Variants in SLC4A5 observed in about 807,000 individuals in gnomAD.
SLC4A5 encodes solute carrier family 4 member 5, also known as electrogenic sodium bicarbonate cotransporter 4.
SLC4A5 carries 96 observed loss-of-function variants against 120.4 expected under a neutral mutation model. That is an observed-to-expected ratio of 0.80 (90% CI 0.68 to 0.94). The LOEUF (loss-of-function observed/expected upper bound fraction) is 0.94. Among genes scored for constraint, SLC4A5 ranks in the 40% least tolerant of loss-of-function variants. SLC4A5 has a pLI of 0.00. For synonymous variants in SLC4A5, 550 were observed against 571.1 expected, an observed-to-expected ratio of 0.96 and a Z score of 0.53; for missense variants, 1,259 against 1,459.5, an observed-to-expected ratio of 0.86 and a Z score of 2.24.
intron 9 of SLC4A5, among the ~76,000 whole-genome samples, 199 bp downstream of exon 9, chr2:74,264,905 C>CTACATGG (rs1431788212): frequency 5.9e-5 from 9 of 152,348 alleles, no homozygotes; most frequent in Middle Eastern, 6.8e-3. Flanking sequence ...CTTTTCCTCT[C>CTACATGG]TACTGGAGGT....
At chr2:74,336,593 T>C (rs1402367561) in intron 3 of SLC4A5, among the ~76,000 whole-genome samples, 1 of 152,172 alleles carries the variant, frequency 6.6e-6, no homozygotes. Flanking sequence ...GAACTACTAT[T>C]ATCCTCATTT....
intron 6 of SLC4A5, among the ~76,000 whole-genome samples, chr2:74,309,449 G>C (rs375333874): frequency 2.2e-4 from 33 of 152,084 alleles, no homozygotes; most frequent in East Asian, 7.7e-4. Context: ...TCTTGAAGTT[G>C]AGTAGTGTCA....
At chr2:74,307,487 C>G (rs1672680814) in intron 6 of SLC4A5, 3 of 623,200 alleles carry the variant, frequency 4.8e-6, no homozygotes, top group Non-Finnish European at 9.1e-6. Flanking sequence ...TCTCTACAGA[C>G]TAGCGCATGG....
chr2:74,223,280 C>T (rs1694721463), intron 28 of SLC4A5, among the ~76,000 whole-genome samples: 1 of 152,172 alleles, frequency 6.6e-6, no homozygotes, highest in South Asian at 2.1e-4. Flanking sequence ...GCTGGGATTA[C>T]AGATGTGAGC....
At chr2:74,226,007 G>A (rs1158680773) in intron 27 of SLC4A5, among the ~76,000 whole-genome samples, 3 of 152,124 alleles carry the variant, frequency 2.0e-5, no homozygotes, top group East Asian at 1.9e-4. Context: ...CTTTCCCTTC[G>A]CCAGCTCTGA....
At chr2:74,329,576 G>A (rs1341863963) in intron 4 of SLC4A5, among the ~76,000 whole-genome samples, 10 of 151,296 alleles carry the variant, frequency 6.6e-5, no homozygotes, top group East Asian at 6.0e-4. Context: ...GCAACACGGC[G>A]AGGCTCCATC....
At chr2:74,257,975 G>C (rs1180446307) in intron 12 of SLC4A5, among the ~76,000 whole-genome samples, 1 of 152,234 alleles carries the variant, frequency 6.6e-6, no homozygotes, top group Non-Finnish European at 1.5e-5. Flanking sequence ...GGCCAGGGTT[G>C]TGGCATCCCA....
chr2:74,246,945 C>A, intron 19 of SLC4A5, 91 bp downstream of exon 19: 1 of 1,518,392 alleles, frequency 6.6e-7, no homozygotes, highest in South Asian at 1.2e-5. Flanking sequence ...AATGGCCCCT[C>A]CCCAGCAGTA....
At position 74,227,132 on chromosome 2, in the gene SLC4A5, T is replaced by C. The variant is rs752909144; in HGVS notation, c.2917-2A>G. ...GAAGAGCTTGCAGCGTTCCCAGAACTAGGGGGACAGCGGGGGCTCAGCCAG... is the reference window on the plus strand; with the variant it reads ...GAAGAGCTTGCAGCGTTCCCAGAACCAGGGGGACAGCGGGGGCTCAGCCAG... On this transcript the variant is annotated splice_acceptor_variant, in intron 26 of 30. Coordinates refer to ENST00000394019, the Ensembl canonical transcript of SLC4A5. LOFTEE classifies it high-confidence loss of function. 160 of 1,607,582 alleles carry C rather than the reference T, an allele frequency of 1.0e-4. No individual in the cohort carries two copies. The highest frequency in any genetic ancestry group is 1.2e-4 in the Non-Finnish European group (144 of 1,177,016).
intron 16 of SLC4A5, among the ~76,000 whole-genome samples, chr2:74,251,125 T>C (rs1670777242): frequency 6.6e-6 from 1 of 152,158 alleles, no homozygotes; most frequent in South Asian, 2.1e-4. Flanking sequence ...TTGGACTGGA[T>C]ACTCCTTTGC....
exon 21 of SLC4A5, chr2:74,239,484 CCTT>C (rs748360005): frequency 4.9e-5 from 79 of 1,613,964 alleles, no homozygotes; most frequent in Non-Finnish European, 6.6e-5. Context: ...CTCAGACACT[CCTT>C]CTTGCTCAGC....
chr2:74,234,134 C>T (rs1670189697), intron 22 of SLC4A5, among the ~76,000 whole-genome samples: 1 of 151,844 alleles, frequency 6.6e-6, no homozygotes, highest in Admixed American at 6.6e-5. Context: ...GGACTCCCTA[C>T]TCTGGTGAGA....
chr2:74,259,793 T>A (rs1204141095), intron 11 of SLC4A5, 150 bp from the exon 12 acceptor site: 1 of 713,960 alleles, frequency 1.4e-6, no homozygotes, highest in African/African-American at 1.8e-5. Flanking sequence ...ACTAGCATCC[T>A]CTCACTTTCC....
chr2:74,224,698 A>T, intron 28 of SLC4A5, 142 bp downstream of exon 28: 1 of 1,170,680 alleles, frequency 8.5e-7, no homozygotes, highest in Non-Finnish European at 1.2e-6. Flanking sequence ...GACCAAGACA[A>T]GCAGATGCCC....
chr2:74,326,918 G>A (rs1673230841), intron 5 of SLC4A5, among the ~76,000 whole-genome samples: 1 of 152,120 alleles, frequency 6.6e-6, no homozygotes, highest in South Asian at 2.1e-4. Context: ...GCAAGGTGGT[G>A]GTGACACAGC....
At chr2:74,235,868 C>T (rs1229551189) in intron 21 of SLC4A5, among the ~76,000 whole-genome samples, 2 of 152,172 alleles carry the variant, frequency 1.3e-5, no homozygotes, top group African/African-American at 4.8e-5. Context: ...TCCGACCTCC[C>T]CTCCAAACCA....
At chr2:74,304,732 T>C in intron 6 of SLC4A5, 52 bp from the exon 7 acceptor site, 1 of 1,538,130 alleles carries the variant, frequency 6.5e-7, no homozygotes, top group Non-Finnish European at 8.8e-7. Context: ...AAAATTGGCA[T>C]TTTTTCATAA....
At chr2:74,244,847 T>C (rs1215718283) in intron 19 of SLC4A5, among the ~76,000 whole-genome samples, 2 of 152,172 alleles carry the variant, frequency 1.3e-5, no homozygotes, top group South Asian at 2.1e-4. Context: ...TTGAGAACCA[T>C]GACAATAGCA....
chr2:74,304,182 G>A (rs560566908), intron 7 of SLC4A5, among the ~76,000 whole-genome samples: 28 of 152,290 alleles, frequency 1.8e-4, no homozygotes, highest in African/African-American at 2.9e-4. Context: ...GGCAATGACC[G>A]TATGGTCCTT....
Sources: gnomAD v4.1 joint callset for allele counts (sites outside exome capture counted in the v4.1 genomes callset) on GRCh38, gnomAD v4.1.1 for gene constraint, MANE v1.5 for transcripts, NCBI Gene and HGNC (gene_info 2026-07-23, HGNC 2026-07-21) for gene names.